The following CBLB variants were observed in gnomAD, a reference collection of about 807,000 sequenced individuals.
The protein encoded by CBLB is E3 ubiquitin-protein ligase CBL-B.
CBLB carries 31 observed loss-of-function variants against 104.9 expected under a neutral mutation model. That is an observed-to-expected ratio of 0.30 (90% CI 0.22 to 0.40). The LOEUF (loss-of-function observed/expected upper bound fraction) is 0.40, where lower values mean the gene tolerates loss of function less well. Ranked by LOEUF, CBLB falls within the 10% of genes least tolerant of loss-of-function variation. The pLI is 1.00. For synonymous variants in CBLB, 440 were observed against 422.6 expected, an observed-to-expected ratio of 1.04 and a Z score of -0.51; for missense variants, 1,062 against 1,214.6, an observed-to-expected ratio of 0.87 and a Z score of 1.87.
intron 4 of CBLB, among the ~76,000 whole-genome samples, chr3:105,766,439 T>A (rs1480270640): frequency 6.6e-6 from 1 of 152,180 alleles, no homozygotes; most frequent in African/African-American, 2.4e-5. Context: ...ATGTTATAGA[T>A]AAATATTACA....
chr3:105,681,560 G>A lies in CBLB; in HGVS notation c.2347C>T (p.Pro783Ser), dbSNP rs2152727713. Residue 783 changes from proline (P) to serine (S), a missense_variant, in exon 16 of 19, where the codon CCT (proline) becomes TCT (serine). Coordinates refer to ENST00000394030, the MANE Select transcript of CBLB (RefSeq NM_170662.5). ...SDPVPLPPAR[P>S]PTRDNPKHGS... Reference sequence around the variant, plus strand: ...TGCTTTGGATTGTCCCGAGTTGGAGGCCTGGCAGGTGGTAATGGCACGGGA... The same window carrying A: ...TGCTTTGGATTGTCCCGAGTTGGAGACCTGGCAGGTGGTAATGGCACGGGA... The A allele has an allele frequency of 6.2e-7, 1 of 1,613,990 alleles. No homozygotes were observed. Among genetic ancestry groups the A allele is most frequent in the Non-Finnish European group, 8.5e-7 (1 of 1,179,864 alleles).
chr3:105,851,588 C>T (rs896935456), intron 3 of CBLB, among the ~76,000 whole-genome samples: 1 of 152,106 alleles, frequency 6.6e-6, no homozygotes, highest in Non-Finnish European at 1.5e-5. Context: ...TACACCAATG[C>T]AAGATGTGAA....
chr3:105,738,597 T>C (rs1243488070), intron 7 of CBLB, among the ~76,000 whole-genome samples: 3 of 151,996 alleles, frequency 2.0e-5, no homozygotes, highest in Non-Finnish European at 4.4e-5. Flanking sequence ...ATTCAGAAAT[T>C]AAAGATTACA....
chr3:105,846,078 G>A (rs1396661630), intron 3 of CBLB, among the ~76,000 whole-genome samples: 1 of 151,624 alleles, frequency 6.6e-6, no homozygotes, highest in Admixed American at 6.6e-5. Flanking sequence ...CCATTTAAAA[G>A]GAAAAAATGC....
chr3:105,709,217 T>C (rs1335713143), intron 10 of CBLB, among the ~76,000 whole-genome samples: 1 of 152,014 alleles, frequency 6.6e-6, no homozygotes, highest in Admixed American at 6.6e-5. Flanking sequence ...TGATTAGGCT[T>C]TCTTTTTAAC....
chr3:105,763,545 A>T (rs2152935447), intron 4 of CBLB, among the ~76,000 whole-genome samples: 1 of 152,350 alleles, frequency 6.6e-6, no homozygotes, highest in Admixed American at 6.5e-5. Context: ...GCCACGTAAG[A>T]AGTGCCTTTC....
At chr3:105,773,096 T>C (rs553098835) in intron 4 of CBLB, among the ~76,000 whole-genome samples, 52 of 152,296 alleles carry the variant, frequency 3.4e-4, no homozygotes, top group African/African-American at 1.0e-3. Context: ...CGCTTGTTTA[T>C]AGCAGCATAA....
intron 3 of CBLB, among the ~76,000 whole-genome samples, chr3:105,836,344 G>A (rs2088493181): frequency 6.6e-6 from 1 of 152,082 alleles, no homozygotes; most frequent in South Asian, 2.1e-4. Flanking sequence ...TGATCTCCCA[G>A]GAAATGAAGT....
chr3:105,817,095 A>C (rs564597864), intron 3 of CBLB, among the ~76,000 whole-genome samples: 151 of 152,310 alleles, frequency 9.9e-4, no homozygotes, highest in Non-Finnish European at 9.7e-4. Flanking sequence ...TGAGAAGAAG[A>C]CAAGTCCGTA....
intron 12 of CBLB, among the ~76,000 whole-genome samples, chr3:105,699,141 T>G (rs1045994252): frequency 1.3e-5 from 2 of 152,146 alleles, no homozygotes; most frequent in Non-Finnish European, 2.9e-5. Context: ...TATTGAATGC[T>G]TAACCAAGTT....
At chr3:105,699,709 C>A (rs918309896) in intron 12 of CBLB, among the ~76,000 whole-genome samples, 64 of 152,248 alleles carry the variant, frequency 4.2e-4, no homozygotes, top group African/African-American at 1.5e-3. Flanking sequence ...TGAAGTGAAT[C>A]ATTTTTCCTT....
chr3:105,754,049 T>G (rs2076821292), intron 4 of CBLB, among the ~76,000 whole-genome samples: 1 of 152,148 alleles, frequency 6.6e-6, no homozygotes, highest in African/African-American at 2.4e-5. Context: ...CACTATTTTG[T>G]TAACTTTTCA....
At chr3:105,674,177 G>T (rs998210485) in intron 17 of CBLB, among the ~76,000 whole-genome samples, 2 of 152,166 alleles carry the variant, frequency 1.3e-5, no homozygotes, top group African/African-American at 4.8e-5. Context: ...TGAACACAGT[G>T]GTCTCCACAA....
At chr3:105,797,931 T>C (rs2082414710) in intron 3 of CBLB, among the ~76,000 whole-genome samples, 1 of 152,166 alleles carries the variant, frequency 6.6e-6, no homozygotes, top group South Asian at 2.1e-4. Flanking sequence ...AGCAAGGCAG[T>C]TTCCCCTGGT....
At chr3:105,844,921 TTAAC>T (rs2090037763) in intron 3 of CBLB, among the ~76,000 whole-genome samples, 1 of 152,290 alleles carries the variant, frequency 6.6e-6, no homozygotes, top group East Asian at 1.9e-4. Context: ...GGAGCTTTCT[TTAAC>T]TAAATAACAA....
At chr3:105,723,197 T>C (rs1289009977) in intron 9 of CBLB, among the ~76,000 whole-genome samples, 1 of 152,316 alleles carries the variant, frequency 6.6e-6, no homozygotes, top group East Asian at 1.9e-4. Flanking sequence ...TTCTGTCAGG[T>C]GGTTGATTAA....
rs567360471 is a variant in CBLB, at chr3:105,796,584, G to T, written c.420-20042C>A. The stretch of plus-strand genomic sequence containing the variant: ...AGCAATTGCAACAAAAATAAAAATT[G>T]ACAAATGGGACTTAATTAAAGAGCT... On this transcript the variant is annotated intron_variant, in intron 3 of 18. Transcript: ENST00000394030. Among the ~76,000 whole-genome samples the T allele has an allele frequency of 4.3e-4, 65 of 152,206 alleles. 1 individual carries two copies. The highest frequency in any genetic ancestry group is 1.6e-3 in the African/African-American group (65 of 41,532).
At chr3:105,661,933 C>A (rs1358372852) in intron 18 of CBLB, among the ~76,000 whole-genome samples, 1 of 152,130 alleles carries the variant, frequency 6.6e-6, no homozygotes, top group Non-Finnish European at 1.5e-5. Flanking sequence ...AAGTGCTATA[C>A]TCAAATGCTA....
chr3:105,740,269 G>A (rs1004114794), intron 7 of CBLB, among the ~76,000 whole-genome samples: 2 of 152,210 alleles, frequency 1.3e-5, no homozygotes, highest in East Asian at 1.9e-4. Context: ...AAAAATTCAT[G>A]TTGTAATTTG....
Sources: allele counts gnomAD v4.1 joint callset (sites outside exome capture counted in the v4.1 genomes callset), GRCh38; gene constraint gnomAD v4.1.1; transcripts MANE v1.5; gene names NCBI Gene and HGNC (gene_info 2026-07-23, HGNC 2026-07-21).